Variants in TRAPPC3L observed in about 807,000 individuals in gnomAD.
TRAPPC3L encodes the protein trafficking protein particle complex subunit 3L.
TRAPPC3L carries 23 observed loss-of-function variants against 23.7 expected under a neutral mutation model. The ratio of observed to expected loss-of-function variants is 0.97; its 90% CI spans 0.70 to 1.37. The LOEUF (loss-of-function observed/expected upper bound fraction) is 1.37. Among genes scored for constraint, TRAPPC3L ranks in the 40% most tolerant of loss-of-function variants. The pLI, the probability that TRAPPC3L is intolerant of heterozygous loss-of-function variation, is 0.00. For synonymous variants in TRAPPC3L, 81 were observed against 77.9 expected (o/e 1.04, Z -0.21); for missense variants, 212 against 216.8 (o/e 0.98, Z 0.14).
chr6:116,515,774 G>T (rs756870417), intron 3 of TRAPPC3L: 1 of 1,613,888 alleles, frequency 6.2e-7, no homozygotes, highest in South Asian at 1.1e-5. Context: ...CAAGCTGAGC[G>T]AGAGGAACCT....
intron 3 of TRAPPC3L, chr6:116,524,602 C>T (rs1310639487): frequency 6.6e-6 from 1 of 152,152 alleles, no homozygotes; most frequent in African/African-American, 2.4e-5. Flanking sequence ...ATCTCTATTT[C>T]TTTCTTTATT....
intron 3 of TRAPPC3L, chr6:116,520,410 G>C (rs995047649): frequency 6.6e-6 from 1 of 152,034 alleles, no homozygotes; most frequent in Admixed American, 6.6e-5. Flanking sequence ...CAAGCCAGAG[G>C]ATATTAATTT....
At chr6:116,539,710 C>T (rs915153854) in intron 3 of TRAPPC3L, among the ~76,000 whole-genome samples, 3 of 152,138 alleles carry the variant, frequency 2.0e-5, no homozygotes, top group Non-Finnish European at 4.4e-5. Context: ...ATGAGACTGA[C>T]TTAATTGATC....
chr6:116,517,239 A>G (rs1051724643), intron 3 of TRAPPC3L: 2 of 152,136 alleles, frequency 1.3e-5, no homozygotes, highest in Non-Finnish European at 2.9e-5. Context: ...ACAAACATTC[A>G]GACTATAGTA....
At chr6:116,528,559 A>C (rs1772520863) in intron 3 of TRAPPC3L, among the ~76,000 whole-genome samples, 1 of 152,182 alleles carries the variant, frequency 6.6e-6, no homozygotes, top group Non-Finnish European at 1.5e-5. Flanking sequence ...ATAATTTATA[A>C]ATTGTTTTTG....
At chr6:116,533,301 T>G (rs1190676831) in intron 3 of TRAPPC3L, among the ~76,000 whole-genome samples, 1 of 152,190 alleles carries the variant, frequency 6.6e-6, no homozygotes, top group Non-Finnish European at 1.5e-5. Flanking sequence ...GAGGTAGTGG[T>G]TGTATTTAAC....
intron 1 of TRAPPC3L, chr6:116,543,676 T>C: frequency 1.3e-6 from 1 of 750,762 alleles, no homozygotes; most frequent in Non-Finnish European, 2.2e-6. Context: ...TAACTTGCAA[T>C]GTATTTTCAT....
intron 3 of TRAPPC3L, chr6:116,515,450 T>G: frequency 1.1e-6 from 1 of 888,122 alleles, no homozygotes; most frequent in Non-Finnish European, 1.7e-6. Flanking sequence ...AAAAAGTGAG[T>G]TTAAAGTGTT....
intron 3 of TRAPPC3L, among the ~76,000 whole-genome samples, chr6:116,533,625 A>C (rs954074712): frequency 6.6e-6 from 1 of 152,234 alleles, no homozygotes; most frequent in African/African-American, 2.4e-5. Flanking sequence ...ACTGGTTGTC[A>C]GATTATTGCC....
intron 3 of TRAPPC3L, among the ~76,000 whole-genome samples, chr6:116,537,585 T>C (rs1259864106): frequency 6.6e-6 from 1 of 152,208 alleles, no homozygotes; most frequent in African/African-American, 2.4e-5. Flanking sequence ...TTTTTTAATC[T>C]GGAGCATTGA....
intron 3 of TRAPPC3L, chr6:116,519,394 G>A (rs1221253823): frequency 1.3e-5 from 2 of 152,194 alleles, no homozygotes; most frequent in Non-Finnish European, 2.9e-5. Flanking sequence ...GGCTTCCATT[G>A]CAGCCAAGAG....
intron 1 of TRAPPC3L, among the ~76,000 whole-genome samples, chr6:116,545,245 T>C (rs1285781843): frequency 1.3e-5 from 2 of 152,120 alleles, no homozygotes; most frequent in African/African-American, 4.8e-5. Context: ...CATATTGATA[T>C]AATTAGTCAG....
chr6:116,510,119 C>G (rs183539862), intron 3 of TRAPPC3L, among the ~76,000 whole-genome samples: 40 of 152,232 alleles, frequency 2.6e-4, no homozygotes, highest in Non-Finnish European at 5.3e-4. Flanking sequence ...ACTAAAACCA[C>G]AATGAGATAC....
chr6:116,515,244 T>G (rs1772199902), intron 3 of TRAPPC3L, among the ~76,000 whole-genome samples: 1 of 152,210 alleles, frequency 6.6e-6, no homozygotes, highest in Admixed American at 6.6e-5. Flanking sequence ...AATGACCACA[T>G]TTACTTATGC....
chr6:116,533,341 T>C (rs1049477540), intron 3 of TRAPPC3L, among the ~76,000 whole-genome samples: 5 of 152,344 alleles, frequency 3.3e-5, no homozygotes, highest in Admixed American at 3.3e-4. Flanking sequence ...AAAAAGTCTT[T>C]ATTTCAGAAG....
intron 3 of TRAPPC3L, among the ~76,000 whole-genome samples, chr6:116,504,231 C>T (rs1402958939): frequency 6.6e-6 from 1 of 152,240 alleles, no homozygotes; most frequent in South Asian, 2.1e-4. Context: ...TACAAACTAA[C>T]ATCAGAGAAT....
intron 3 of TRAPPC3L, among the ~76,000 whole-genome samples, chr6:116,508,233 T>C (rs1046402896): frequency 5.9e-5 from 9 of 151,558 alleles, no homozygotes; most frequent in African/African-American, 2.2e-4. Context: ...TGGCACACAG[T>C]GGGAGTTCAA....
intron 3 of TRAPPC3L, chr6:116,511,549 TAAGG>T: frequency 1.4e-6 from 1 of 714,178 alleles, no homozygotes; most frequent in South Asian, 1.9e-5. Flanking sequence ...TATTCATTCC[TAAGG>T]AATGACATTG....
intron 3 of TRAPPC3L, chr6:116,519,552 A>C: frequency 6.6e-6 from 1 of 152,220 alleles, no homozygotes; most frequent in East Asian, 1.9e-4. Context: ...AATGTTTGCC[A>C]TAACAGTCTC....
Sources: allele counts gnomAD v4.1 joint callset (sites outside exome capture counted in the v4.1 genomes callset), GRCh38; gene constraint gnomAD v4.1.1; transcripts MANE v1.5; gene names NCBI Gene and HGNC (gene_info 2026-07-23, HGNC 2026-07-21).